The following ZC4H2 variants were observed in gnomAD, a reference collection of about 807,000 sequenced individuals.
ZC4H2 encodes zinc finger C4H2 domain-containing protein.
For missense variants in ZC4H2, 137 were observed against 173.9 expected (o/e 0.79, Z 1.19); for synonymous variants, 84 against 66.3 (o/e 1.27, Z -1.30).
intron 1 of ZC4H2, among the ~76,000 whole-genome samples, chrX:64,988,243 T>C (rs1932233307): frequency 9.0e-6 from 1 of 111,257 alleles, no homozygotes; most frequent in African/African-American, 3.3e-5. Context: ...CCTTTGGGTA[T>C]ATACCCAGTA....
At chrX:64,968,440 G>C (rs1361836289) in intron 1 of ZC4H2, among the ~76,000 whole-genome samples, 1 of 111,034 alleles carries the variant, frequency 9.0e-6, no homozygotes, top group African/African-American at 3.3e-5. Context: ...CAATTTTCAG[G>C]GTGAAATAGT....
chrX:64,943,659 T>C (rs905097467), intron 1 of ZC4H2, among the ~76,000 whole-genome samples: 20 of 111,755 alleles, frequency 1.8e-4, no homozygotes, highest in Non-Finnish European at 3.8e-4. Context: ...CCCCTGCTTT[T>C]TTTTTGCTTT....
chrX:64,946,161 C>CA (rs1332174688), intron 1 of ZC4H2, among the ~76,000 whole-genome samples: 5 of 109,852 alleles, frequency 4.6e-5, no homozygotes, highest in African/African-American at 1.3e-4. Context: ...CAAAACAAAA[C>CA]AAAAAAAACC....
chrX:64,972,037 C>T (rs1197777607), intron 1 of ZC4H2, among the ~76,000 whole-genome samples: 1 of 111,554 alleles, frequency 9.0e-6, no homozygotes. Flanking sequence ...TTTATTACTG[C>T]TATCCTCCCT....
At chrX:64,974,290 ACTTT>A (rs1437012226) in intron 1 of ZC4H2, among the ~76,000 whole-genome samples, 2 of 111,125 alleles carry the variant, frequency 1.8e-5, no homozygotes, top group African/African-American at 6.6e-5. Context: ...CTTTGTTGAG[ACTTT>A]CTATTCATTT....
intron 1 of ZC4H2, among the ~76,000 whole-genome samples, chrX:64,983,673 T>G (rs1392050389): frequency 8.9e-6 from 1 of 112,232 alleles, no homozygotes; most frequent in Non-Finnish European, 1.9e-5. Context: ...TCATATATAG[T>G]GTATGTTAGC....
At chrX:64,928,685 C>CTTCTTCTTCTTCT (rs1201758564) in intron 1 of ZC4H2, among the ~76,000 whole-genome samples, 3 of 52,670 alleles carry the variant, frequency 5.7e-5, no homozygotes, top group African/African-American at 3.6e-4. Context: ...CTTCTTCTTC[C>CTTCTTCTTCTTCT]TCCTCCTCTT....
upstream of ZC4H2, among the ~76,000 whole-genome samples, chrX:64,981,021 G>C (rs1322426868): frequency 9.1e-6 from 1 of 110,374 alleles, no homozygotes; most frequent in Non-Finnish European, 1.9e-5. Context: ...GGAGACATAA[G>C]GAGTTGGGCA....
In ZC4H2 at chrX:64,917,804, C is replaced by T. The variant is rs149235340; in HGVS notation, c.654G>A (p.Pro218=). The part of the protein sequence containing the change: ...AKSRSRNPKK[P]KRKQDE ...TTCTTTATTCATCCTGCTTCCGTTT[C>T]GGCTTTTTGGGGTTCCGGGACCGAC... Residue 218 remains proline (P), a synonymous_variant, in exon 5 of 5, where the codon CCG becomes CCA. Coordinates refer to ENST00000374839, the MANE Select transcript of ZC4H2 (RefSeq NM_018684.4). The T allele has an allele frequency of 4.3e-4, 525 of 1,209,202 alleles. No homozygotes were observed. Among genetic ancestry groups the T allele is most frequent in the Non-Finnish European group, 5.5e-4 (491 of 895,002 alleles).
At chrX:64,990,279 G>T (rs1431728297) in intron 1 of ZC4H2, among the ~76,000 whole-genome samples, 1 of 111,974 alleles carries the variant, frequency 8.9e-6, no homozygotes, top group Non-Finnish European at 1.9e-5. Context: ...AAAGGGATAT[G>T]ATTCTATTCA....
chrX:64,954,343 T>C (rs1194657682), intron 1 of ZC4H2, among the ~76,000 whole-genome samples: 81 of 73,324 alleles, frequency 1.1e-3, no homozygotes, highest in Admixed American at 1.9e-3. Flanking sequence ...TATATAATTA[T>C]ATATATATAT....
intron 1 of ZC4H2, among the ~76,000 whole-genome samples, chrX:64,986,448 GAGGAGGGAAGACTC>G (rs1932188208): frequency 8.9e-6 from 1 of 112,165 alleles, no homozygotes; most frequent in Admixed American, 9.5e-5. Flanking sequence ...GTTAGTTAGT[GAGGAGGGAAGACTC>G]AGGCTCCAGG....
At chrX:64,955,813 TTA>T (rs1014137322) in intron 1 of ZC4H2, among the ~76,000 whole-genome samples, 1 of 112,227 alleles carries the variant, frequency 8.9e-6, no homozygotes, top group Non-Finnish European at 1.9e-5. Flanking sequence ...ATGGATAACC[TTA>T]TACTTTGACA....
At chrX:64,999,536 G>C (rs1251242295) in intron 1 of ZC4H2, among the ~76,000 whole-genome samples, 1 of 112,297 alleles carries the variant, frequency 8.9e-6, no homozygotes, top group Non-Finnish European at 1.9e-5. Flanking sequence ...CACTGAGCTA[G>C]CTGCAAGAGC....
rs778639164 is a variant in ZC4H2, at chrX:64,928,663, CTTCTTCTT to C, written c.54-6683_54-6676del. ...TCTTCTTCTTCTTCTTCTTCTTCTT[CTTCTTCTT>C]CTTCTTCTTCTTCCTCCTCCTCTTC... On this transcript the variant is annotated intron_variant, in intron 1 of 4. Coordinates refer to ENST00000374839, the MANE Select transcript of ZC4H2 (RefSeq NM_018684.4). Among the ~76,000 whole-genome samples, 205 of 102,710 alleles carry C rather than the reference CTTCTTCTT, an allele frequency of 2.0e-3. 1 individual carries two copies. The highest frequency in any genetic ancestry group is 3.5e-3 in the Non-Finnish European group (173 of 50,083). 89.2% of individuals were successfully genotyped at this position (102,710 alleles called of 115,157 possible). A position where few individuals can be genotyped will look rare whatever the true frequency, so the allele number is the denominator to read the frequency against.
At chrX:64,929,024 G>C (rs971505022) in intron 1 of ZC4H2, among the ~76,000 whole-genome samples, 1 of 107,833 alleles carries the variant, frequency 9.3e-6, no homozygotes, top group Non-Finnish European at 1.9e-5. Flanking sequence ...AAATACCTGG[G>C]ACCACAAGCA....
At chrX:64,946,408 C>T (rs1477600261) in intron 1 of ZC4H2, among the ~76,000 whole-genome samples, 7 of 110,852 alleles carry the variant, frequency 6.3e-5, no homozygotes, top group Non-Finnish European at 9.4e-5. Context: ...TGATTCTGCT[C>T]GCCCTCTGTG....
At chrX:64,934,075 A>T (rs1341739219) in intron 1 of ZC4H2, among the ~76,000 whole-genome samples, 1 of 111,854 alleles carries the variant, frequency 8.9e-6, no homozygotes, top group East Asian at 2.8e-4. Flanking sequence ...CTGGCTATTC[A>T]GGTCAGATGG....
chrX:64,979,098 G>C (rs954229310), upstream of ZC4H2, among the ~76,000 whole-genome samples: 1 of 111,849 alleles, frequency 8.9e-6, no homozygotes, highest in African/African-American at 3.3e-5. Context: ...CGAAATCCTA[G>C]TTTACAGATG....
Sources: gnomAD v4.1 joint callset for allele counts (sites outside exome capture counted in the v4.1 genomes callset) on GRCh38, gnomAD v4.1.1 for gene constraint, MANE v1.5 for transcripts, NCBI Gene and HGNC (gene_info 2026-07-23, HGNC 2026-07-21) for gene names.